The following PRIMPOL variants were observed in gnomAD, a reference collection of about 807,000 sequenced individuals.
PRIMPOL encodes DNA-directed primase/polymerase protein.
Under a neutral mutation model 63.6 loss-of-function variants are expected in PRIMPOL, and 54 were observed. The observed-to-expected ratio is 0.85, with a 90% CI of 0.68 to 1.07. The LOEUF (loss-of-function observed/expected upper bound fraction) is 1.07. Among genes scored for constraint, PRIMPOL ranks in the 50% least tolerant of loss-of-function variants. The pLI is 0.00. For missense variants in PRIMPOL, 610 were observed against 648.3 expected, an observed-to-expected ratio of 0.94 and a Z score of 0.64; for synonymous variants, 197 against 220.2, an observed-to-expected ratio of 0.89 and a Z score of 0.93.
At chr4:184,673,780 G>T (rs895412569) in intron 7 of PRIMPOL, among the ~76,000 whole-genome samples, 3 of 152,194 alleles carry the variant, frequency 2.0e-5, no homozygotes, top group African/African-American at 7.2e-5. Context: ...GTGTGTAAAG[G>T]TTGAGGGAAA....
rs1746371173 is a variant in PRIMPOL, at chr4:184,656,139, C to T, written c.-59-943C>T. 2.0e-5 allele frequency among the ~76,000 whole-genome samples: 3 copies of T among 152,138 alleles called. No individual in the cohort carries two copies. In the South Asian group the frequency reaches 6.2e-4, roughly 32 times the overall value. On this transcript the variant is annotated intron_variant, in intron 2 of 13. Coordinates refer to ENST00000314970, the MANE Select transcript of PRIMPOL (RefSeq NM_152683.4). ...GGTTCTTTTCCATGTGGGCTTTCATCCTCTATGAGGCTAGAGTTATGGCAT... is the reference window on the plus strand; with the variant it reads ...GGTTCTTTTCCATGTGGGCTTTCATTCTCTATGAGGCTAGAGTTATGGCAT...
chr4:184,671,272 C>CT (rs1363123117), intron 6 of PRIMPOL, among the ~76,000 whole-genome samples: 1 of 152,098 alleles, frequency 6.6e-6, no homozygotes, highest in Non-Finnish European at 1.5e-5. Context: ...GAGCAGCAGC[C>CT]TAGGGGCTGA....
rs1747555491 is a variant in PRIMPOL at position 184,659,226 on chromosome 4, A to T, written c.181-114A>T. On this transcript the variant is annotated intron_variant, in intron 3 of 13. Coordinates refer to ENST00000314970, the MANE Select transcript of PRIMPOL (RefSeq NM_152683.4). ...TGTTTTTAATAATACAAATGTTCAA[A>T]TTACAGTTTCTGAAAACTTGAATGA... 9 of 747,550 alleles carry T rather than the reference A, an allele frequency of 1.2e-5. No homozygotes were observed. The East Asian group carries it at 2.3e-4, about 19-fold the overall frequency. The allele number at this position is 747,550 out of a possible 1,614,324, so 46.3% of individuals were successfully genotyped here.
chr4:184,667,812 C>T (rs781755564), intron 6 of PRIMPOL, among the ~76,000 whole-genome samples: 60 of 152,280 alleles, frequency 3.9e-4, no homozygotes, highest in Admixed American at 1.3e-3. Flanking sequence ...ACCCCATCCC[C>T]TTCCCCACTT....
intron 2 of PRIMPOL, among the ~76,000 whole-genome samples, chr4:184,655,955 T>A (rs995987399): frequency 6.6e-5 from 10 of 152,182 alleles, no homozygotes; most frequent in African/African-American, 2.4e-4. Context: ...CAACCAAATT[T>A]ATTTTTTTCT....
chr4:184,663,033 A>ATTATTG (rs1310394235), intron 5 of PRIMPOL, among the ~76,000 whole-genome samples: 4 of 138,588 alleles, frequency 2.9e-5, no homozygotes, highest in African/African-American at 1.2e-4. Context: ...TATTATTATT[A>ATTATTG]TTATTATTAT....
At chr4:184,686,728 G>T (rs1373985144) in intron 11 of PRIMPOL, among the ~76,000 whole-genome samples, 2 of 152,116 alleles carry the variant, frequency 1.3e-5, no homozygotes, top group Non-Finnish European at 2.9e-5. Context: ...TGGACATGGG[G>T]AATGATCGGG....
intron 11 of PRIMPOL, among the ~76,000 whole-genome samples, chr4:184,686,024 A>T (rs1448218289): frequency 1.3e-5 from 2 of 151,774 alleles, no homozygotes; most frequent in Non-Finnish European, 2.9e-5. Flanking sequence ...CTGGTCTCGA[A>T]CTCCTGACCT....
chr4:184,664,865 G>A (rs1024340391), intron 5 of PRIMPOL, among the ~76,000 whole-genome samples: 1 of 152,266 alleles, frequency 6.6e-6, no homozygotes, highest in Admixed American at 6.5e-5. Context: ...TCTATAAAGA[G>A]AAAAAGAGTA....
intron 1 of PRIMPOL, among the ~76,000 whole-genome samples, chr4:184,650,205 T>A (rs903524033): frequency 6.8e-6 from 1 of 147,714 alleles, no homozygotes. Flanking sequence ...GTGTACTTAA[T>A]CCACATATAA....
chr4:184,672,330 T>C lies in PRIMPOL; in HGVS notation c.714T>C (p.Ala238=), dbSNP rs1156831476. 4.3e-6 allele frequency: 7 copies of C among 1,614,016 alleles called. No individual in the cohort carries two copies. The South Asian group carries it at 6.6e-5, about 15-fold the overall frequency. ...FSFNKMFTEK[A]TEESWTSNSK... ...TCAATAAAATGTTCACAGAAAAGGCTACAGAGGAAAGCTGGACATCGAATT... is the reference window on the plus strand; with the variant it reads ...TCAATAAAATGTTCACAGAAAAGGCCACAGAGGAAAGCTGGACATCGAATT... Residue 238 remains alanine, a synonymous_variant, in exon 7 of 14, where the codon GCT becomes GCC. Coordinates refer to ENST00000314970, the MANE Select transcript of PRIMPOL (RefSeq NM_152683.4).
chr4:184,663,284 A>T (rs1294339851), intron 5 of PRIMPOL, among the ~76,000 whole-genome samples: 1 of 152,006 alleles, frequency 6.6e-6, no homozygotes, highest in African/African-American at 2.4e-5. Flanking sequence ...GCCTCAAGTG[A>T]TACACCCATC....
intron 7 of PRIMPOL, among the ~76,000 whole-genome samples, chr4:184,673,747 T>C (rs1752559213): frequency 6.6e-6 from 1 of 152,214 alleles, no homozygotes; most frequent in Non-Finnish European, 1.5e-5. Context: ...TGCTGTTGGC[T>C]GTGAACACCT....
chr4:184,655,049 C>G (rs1405409141), intron 2 of PRIMPOL, among the ~76,000 whole-genome samples: 1 of 151,350 alleles, frequency 6.6e-6, no homozygotes, highest in Non-Finnish European at 1.5e-5. Context: ...CCCAGCTACT[C>G]AGGAGGCTAG....
At chr4:184,663,920 C>T (rs1280187788) in intron 5 of PRIMPOL, among the ~76,000 whole-genome samples, 1 of 152,110 alleles carries the variant, frequency 6.6e-6, no homozygotes, top group Non-Finnish European at 1.5e-5. Flanking sequence ...AGCTCTTATG[C>T]TAATTTAGCA....
At chr4:184,671,122 T>C (rs1318686154) in intron 6 of PRIMPOL, among the ~76,000 whole-genome samples, 2 of 152,254 alleles carry the variant, frequency 1.3e-5, no homozygotes, top group Non-Finnish European at 2.9e-5. Context: ...TACCAACTTT[T>C]CATGGTACAG....
At chr4:184,689,262 C>T (rs750923112) in intron 11 of PRIMPOL, among the ~76,000 whole-genome samples, 46 of 151,952 alleles carry the variant, frequency 3.0e-4, no homozygotes, top group Non-Finnish European at 4.7e-4. Context: ...GGATCTCCCT[C>T]TCTTGCCCAG....
chr4:184,682,808 G>A lies in PRIMPOL; in HGVS notation c.1096+472G>A, dbSNP rs1446577271. ...CTCACACCTGTAATTCCAGCACTTT[G>A]GGAGGCTGAGGCGGGAGGATCACTT... is the stretch of plus-strand genomic sequence containing the variant. On this transcript the variant is annotated intron_variant, in intron 9 of 13. Coordinates refer to ENST00000314970, the MANE Select transcript of PRIMPOL (RefSeq NM_152683.4). Among the ~76,000 whole-genome samples, 3 of 152,156 alleles carry A rather than the reference G, an allele frequency of 2.0e-5. 1 individual carries two copies. The highest frequency in any genetic ancestry group is 4.4e-5 in the Non-Finnish European group (3 of 68,034).
intron 9 of PRIMPOL, among the ~76,000 whole-genome samples, chr4:184,682,879 A>C (rs1321135441): frequency 6.7e-6 from 1 of 148,568 alleles, no homozygotes; most frequent in African/African-American, 2.5e-5. Flanking sequence ...GCAAAACCCT[A>C]TCTCTACAAA....
Sources: gnomAD v4.1 joint callset for allele counts (sites outside exome capture counted in the v4.1 genomes callset) on GRCh38, gnomAD v4.1.1 for gene constraint, MANE v1.5 for transcripts, NCBI Gene and HGNC (gene_info 2026-07-23, HGNC 2026-07-21) for gene names.